Variants in NPAS3 observed in about 807,000 individuals in gnomAD.
NPAS3 encodes neuronal PAS domain-containing protein 3.
In NPAS3, 14 loss-of-function variants were observed where a neutral mutation model predicts 73.1. That is an observed-to-expected ratio of 0.19 (90% confidence interval 0.13 to 0.30). NPAS3 has a LOEUF of 0.30. NPAS3 is among the 10% of genes least tolerant of loss of function. The pLI is 1.00. For missense variants in NPAS3, 1,096 were observed against 1,250.0 expected (o/e 0.88, Z 1.86); for synonymous variants, 620 against 541.5 (o/e 1.14, Z -2.01).
intron 5 of NPAS3, among the ~76,000 whole-genome samples, chr14:33,624,157 A>T (rs541989330): frequency 6.6e-6 from 1 of 152,226 alleles, no homozygotes; most frequent in African/African-American, 2.4e-5. Context: ...TAATTCAGTT[A>T]TTGCTTTTGT....
At chr14:33,198,197 C>G (rs2046454206) in intron 2 of NPAS3, among the ~76,000 whole-genome samples, 1 of 152,152 alleles carries the variant, frequency 6.6e-6, no homozygotes, top group South Asian at 2.1e-4. Context: ...TGAGCAACAG[C>G]AAGAGTTATT....
At chr14:33,291,240 A>T (rs569033934) in intron 3 of NPAS3, among the ~76,000 whole-genome samples, 40 of 152,246 alleles carry the variant, frequency 2.6e-4, no homozygotes, top group African/African-American at 9.1e-4. Context: ...ACAGATGAGG[A>T]TGCTGTTAAG....
chr14:33,783,711 C>T (rs1459173474), intron 9 of NPAS3, among the ~76,000 whole-genome samples: 1 of 152,114 alleles, frequency 6.6e-6, no homozygotes, highest in Non-Finnish European at 1.5e-5. Context: ...AGCGGCGCAT[C>T]CCTGCTGCGC....
At chr14:33,682,697 T>C (rs2059972896) in intron 6 of NPAS3, among the ~76,000 whole-genome samples, 1 of 152,242 alleles carries the variant, frequency 6.6e-6, no homozygotes, top group South Asian at 2.1e-4. Context: ...CTCCATTGCT[T>C]TTTTCTGGTA....
At chr14:33,048,912 A>C (rs1566502751) in intron 1 of NPAS3, among the ~76,000 whole-genome samples, 1 of 152,246 alleles carries the variant, frequency 6.6e-6, no homozygotes, top group Non-Finnish European at 1.5e-5. Flanking sequence ...TGATGTGTGT[A>C]CACGTATTTA....
intron 5 of NPAS3, among the ~76,000 whole-genome samples, chr14:33,562,692 C>G (rs187420652): frequency 6.6e-6 from 1 of 152,028 alleles, no homozygotes; most frequent in Non-Finnish European, 1.5e-5. Flanking sequence ...TTTTTAAAAG[C>G]CCAAAGCATG....
At chr14:33,306,465 A>C (rs1392406276) in intron 3 of NPAS3, among the ~76,000 whole-genome samples, 1 of 152,222 alleles carries the variant, frequency 6.6e-6, no homozygotes, top group East Asian at 1.9e-4. Flanking sequence ...GATAGTCTGC[A>C]GATTCGGGCT....
At chr14:33,318,585 T>C (rs2043303928) in intron 3 of NPAS3, among the ~76,000 whole-genome samples, 1 of 152,172 alleles carries the variant, frequency 6.6e-6, no homozygotes. Flanking sequence ...TTCATGCTTA[T>C]ATTTTTAGAC....
intron 7 of NPAS3, among the ~76,000 whole-genome samples, chr14:33,765,778 G>C (rs718059): frequency 1.8e-4 from 27 of 152,180 alleles, no homozygotes; most frequent in African/African-American, 6.5e-4. Flanking sequence ...CTGCTCTCCT[G>C]ATGGAGAGGA....
intron 4 of NPAS3, among the ~76,000 whole-genome samples, chr14:33,452,322 T>G (rs2049830432): frequency 6.6e-6 from 1 of 152,196 alleles, no homozygotes; most frequent in Non-Finnish European, 1.5e-5. Flanking sequence ...GCTTTTATTG[T>G]AATCATGGTG....
intron 2 of NPAS3, among the ~76,000 whole-genome samples, chr14:33,155,571 A>G (rs1471405238): frequency 6.6e-6 from 1 of 152,196 alleles, no homozygotes; most frequent in African/African-American, 2.4e-5. Flanking sequence ...TATTCCGAGT[A>G]GAGATTATAT....
intron 1 of NPAS3, among the ~76,000 whole-genome samples, chr14:33,053,844 A>G (rs866182632): frequency 6.6e-6 from 1 of 152,146 alleles, no homozygotes; most frequent in African/African-American, 2.4e-5. Context: ...TTTATTTTCA[A>G]AATTATTGAG....
chr14:33,119,487 C>T (rs565593418), intron 2 of NPAS3, among the ~76,000 whole-genome samples: 1 of 152,204 alleles, frequency 6.6e-6, no homozygotes, highest in East Asian at 1.9e-4. Context: ...CAGCTCAGGG[C>T]TAGGTCCTGA....
chr14:33,582,785 G>T (rs2056717445), intron 5 of NPAS3, among the ~76,000 whole-genome samples: 1 of 152,128 alleles, frequency 6.6e-6, no homozygotes, highest in African/African-American at 2.4e-5. Flanking sequence ...AGATATGTAT[G>T]CTATAACTAA....
chr14:33,299,376 G>C (rs1053601696), intron 3 of NPAS3, among the ~76,000 whole-genome samples: 9 of 152,122 alleles, frequency 5.9e-5, no homozygotes, highest in Non-Finnish European at 1.0e-4. Context: ...TGAGTCTTCT[G>C]CTGGGGCTGT....
intron 3 of NPAS3, among the ~76,000 whole-genome samples, chr14:33,220,097 G>A (rs773465320): frequency 3.9e-5 from 6 of 152,270 alleles, no homozygotes; most frequent in African/African-American, 7.2e-5. Flanking sequence ...CTTTTTGCAC[G>A]GGTAAAGGGA....
chr14:33,144,859 G>T (rs908398874), intron 2 of NPAS3, among the ~76,000 whole-genome samples: 2 of 152,158 alleles, frequency 1.3e-5, no homozygotes, highest in Non-Finnish European at 2.9e-5. Flanking sequence ...CTCCCAAAGT[G>T]CTAGGATTAT....
At chr14:33,265,502 T>G (rs1594548768) in intron 3 of NPAS3, among the ~76,000 whole-genome samples, 1 of 3,996 alleles carries the variant, frequency 2.5e-4, no homozygotes, top group Non-Finnish European at 0.01. Context: ...ATGCATTACA[T>G]TTTTTTTTCA....
At chr14:33,082,156 T>C (rs1452998023) in intron 2 of NPAS3, among the ~76,000 whole-genome samples, 2 of 152,188 alleles carry the variant, frequency 1.3e-5, no homozygotes, top group Non-Finnish European at 2.9e-5. Context: ...TTGGAACATA[T>C]GCCTGACTGA....
Sources: gnomAD v4.1 joint callset for allele counts (sites outside exome capture counted in the v4.1 genomes callset) on GRCh38, gnomAD v4.1.1 for gene constraint, MANE v1.5 for transcripts, NCBI Gene and HGNC (gene_info 2026-07-23, HGNC 2026-07-21) for gene names.